RBFOX1: variants seen among roughly 807,000 people sequenced by gnomAD.
RBFOX1 encodes RNA binding protein fox-1 homolog 1.
A neutral mutation model predicts 57.7 loss-of-function variants in RBFOX1; 8 were observed. The observed-to-expected ratio is 0.14, with a 90% CI of 0.08 to 0.25. RBFOX1 has a LOEUF of 0.25. RBFOX1 is among the 10% of genes least tolerant of loss of function. The probability of loss-of-function intolerance (pLI) is 1.00; values close to 1 mark genes in which losing one functional copy is unlikely to be tolerated. For synonymous variants in RBFOX1, 326 were observed against 222.4 expected, an observed-to-expected ratio of 1.47 and a Z score of -4.15; for missense variants, 611 against 548.5, an observed-to-expected ratio of 1.11 and a Z score of -1.14.
intron 4 of RBFOX1, among the ~76,000 whole-genome samples, chr16:7,120,956 T>G (rs1052005281): frequency 2.6e-5 from 4 of 151,748 alleles, no homozygotes; most frequent in Admixed American, 1.3e-4. Flanking sequence ...GCTGGTTTCA[T>G]ATTGAAAAAA....
intron 1 of RBFOX1, among the ~76,000 whole-genome samples, chr16:6,270,472 A>C (rs938481918): frequency 3.9e-5 from 6 of 152,012 alleles, no homozygotes; most frequent in African/African-American, 1.4e-4. Flanking sequence ...AAAAAAAAAA[A>C]AAACAACTAG....
intron 4 of RBFOX1, among the ~76,000 whole-genome samples, chr16:7,065,246 C>G (rs147198715): frequency 1.3e-5 from 2 of 152,136 alleles, no homozygotes. Context: ...TTCTATCTAG[C>G]TTTCTTGTAG....
chr16:6,266,762 T>A (rs1198539643), intron 1 of RBFOX1, among the ~76,000 whole-genome samples: 1 of 151,716 alleles, frequency 6.6e-6, no homozygotes, highest in Non-Finnish European at 1.5e-5. Context: ...AATAACAGAA[T>A]CCTAGAAGAA....
chr16:5,404,591 C>T (rs1342777963), intron 1 of RBFOX1, among the ~76,000 whole-genome samples: 5 of 152,180 alleles, frequency 3.3e-5, no homozygotes, highest in Non-Finnish European at 5.9e-5. Context: ...CCCATTGGCT[C>T]CTTTCTTCAC....
At chr16:5,267,395 T>C (rs2062887503) in intron 1 of RBFOX1, among the ~76,000 whole-genome samples, 1 of 151,918 alleles carries the variant, frequency 6.6e-6, no homozygotes, top group Non-Finnish European at 1.5e-5. Context: ...CCTCCTGGGT[T>C]CAAGCAATGC....
At chr16:6,852,939 G>T (rs889438729) in intron 3 of RBFOX1, among the ~76,000 whole-genome samples, 1 of 152,206 alleles carries the variant, frequency 6.6e-6, no homozygotes, top group Non-Finnish European at 1.5e-5. Context: ...CAAGGAGGAT[G>T]CTGGGACTGT....
chr16:7,653,707 C>CA (rs1468318555), intron 11 of RBFOX1, 108 bp from the exon 12 acceptor site: 79 of 1,505,848 alleles, frequency 5.2e-5, no homozygotes, highest in Non-Finnish European at 6.7e-5. Context: ...GGCGGGGGTC[C>CA]TGCTGGGACC....
At chr16:6,539,624 C>T (rs1274922829) in intron 2 of RBFOX1, among the ~76,000 whole-genome samples, 3 of 152,070 alleles carry the variant, frequency 2.0e-5, no homozygotes, top group African/African-American at 7.2e-5. Flanking sequence ...ATGGTGGAAC[C>T]CCATCTCTAC....
chr16:5,877,101 G>C (rs1387081622), intron 4 of RBFOX1, among the ~76,000 whole-genome samples: 2 of 152,180 alleles, frequency 1.3e-5, no homozygotes, highest in East Asian at 1.9e-4. Flanking sequence ...CCTCCTAACA[G>C]AATAAAAGAA....
intron 3 of RBFOX1, among the ~76,000 whole-genome samples, chr16:7,018,663 A>G (rs2094040144): frequency 6.6e-6 from 1 of 152,170 alleles, no homozygotes; most frequent in Non-Finnish European, 1.5e-5. Flanking sequence ...ACTGTGTTCC[A>G]CAACATTAGG....
chr16:5,707,654 T>C (rs2051303103), intron 3 of RBFOX1, among the ~76,000 whole-genome samples: 1 of 152,238 alleles, frequency 6.6e-6, no homozygotes, highest in East Asian at 1.9e-4. Context: ...CTATGAGGTT[T>C]GCTGGTGTTG....
intron 3 of RBFOX1, among the ~76,000 whole-genome samples, chr16:5,678,229 GT>G (rs2050223869): frequency 6.6e-6 from 1 of 152,170 alleles, no homozygotes; most frequent in Admixed American, 6.5e-5. Context: ...TTTAGAAATT[GT>G]TCTGAAGGAG....
At chr16:5,575,556 C>A (rs2046423187) in intron 2 of RBFOX1, among the ~76,000 whole-genome samples, 1 of 152,196 alleles carries the variant, frequency 6.6e-6, no homozygotes, top group Non-Finnish European at 1.5e-5. Flanking sequence ...GGCATCTACT[C>A]CTACCTGACG....
At chr16:5,958,385 G>A (rs139322250) in intron 4 of RBFOX1, among the ~76,000 whole-genome samples, 106 of 152,250 alleles carry the variant, frequency 7.0e-4, no homozygotes, top group African/African-American at 2.3e-3. Flanking sequence ...GCTCTTGCCT[G>A]CTCCCTCAAA....
At chr16:6,508,357 ATAAAACT>A (rs1303769031) in intron 2 of RBFOX1, among the ~76,000 whole-genome samples, 1 of 152,216 alleles carries the variant, frequency 6.6e-6, no homozygotes, top group Non-Finnish European at 1.5e-5. Context: ...GTCCCCGAAC[ATAAAACT>A]TAAAACAAAA....
chr16:6,178,398 T>C (rs184500532), intron 1 of RBFOX1, among the ~76,000 whole-genome samples: 3 of 152,118 alleles, frequency 2.0e-5, no homozygotes, highest in South Asian at 2.1e-4. Context: ...TTGACCAGGC[T>C]GGACTCAAAC....
intron 4 of RBFOX1, among the ~76,000 whole-genome samples, chr16:7,164,654 A>G (rs2152411208): frequency 6.6e-6 from 1 of 152,350 alleles, no homozygotes; most frequent in African/African-American, 2.4e-5. Context: ...ACAAATACAA[A>G]CACACACAAT....
intron 3 of RBFOX1, among the ~76,000 whole-genome samples, chr16:6,700,622 C>T (rs2154141339): frequency 6.6e-6 from 1 of 152,210 alleles, no homozygotes; most frequent in South Asian, 2.1e-4. Context: ...CGCACCACTG[C>T]ACTCCAGCCT....
At chr16:6,976,549 G>C (rs1318388238) in intron 3 of RBFOX1, among the ~76,000 whole-genome samples, 2 of 151,870 alleles carry the variant, frequency 1.3e-5, no homozygotes, top group African/African-American at 4.8e-5. Context: ...AAAAAAGCAA[G>C]TTTATTAGGA....
Sources: gnomAD v4.1 joint callset for allele counts (sites outside exome capture counted in the v4.1 genomes callset) on GRCh38, gnomAD v4.1.1 for gene constraint, MANE v1.5 for transcripts, NCBI Gene and HGNC (gene_info 2026-07-23, HGNC 2026-07-21) for gene names.